Variants in MAGI2 observed in about 807,000 individuals in gnomAD.
MAGI2 encodes the protein membrane-associated guanylate kinase, WW and PDZ domain-containing protein 2.
In MAGI2, 35 loss-of-function variants were observed where a neutral mutation model predicts 133.3. That is an observed-to-expected ratio of 0.26 (90% CI 0.20 to 0.35). MAGI2 has a LOEUF of 0.35. MAGI2 is among the 10% of genes least tolerant of loss of function. MAGI2 has a pLI of 1.00. For missense variants in MAGI2, 1,636 were observed against 1,863.4 expected (o/e 0.88, Z 2.25); for synonymous variants, 729 against 710.6 (o/e 1.03, Z -0.41).
At chr7:78,708,696 C>T (rs1024616550) in intron 2 of MAGI2, among the ~76,000 whole-genome samples, 1 of 152,092 alleles carries the variant, frequency 6.6e-6, no homozygotes, top group Admixed American at 6.6e-5. Context: ...CTAACAATAA[C>T]TGCTACTTAT....
intron 21 of MAGI2, among the ~76,000 whole-genome samples, chr7:78,059,779 T>A (rs57867974): frequency 2.6e-4 from 33 of 126,928 alleles, no homozygotes; most frequent in Non-Finnish European, 4.1e-4. Flanking sequence ...ATATATATAT[T>A]TTTTTTCTGG....
intron 2 of MAGI2, among the ~76,000 whole-genome samples, chr7:78,816,065 T>C (rs1397444099): frequency 6.6e-6 from 1 of 152,186 alleles, no homozygotes; most frequent in African/African-American, 2.4e-5. Context: ...TTAAAAGTGC[T>C]ACTCGAGTGA....
intron 2 of MAGI2, among the ~76,000 whole-genome samples, chr7:78,809,631 T>C (rs1788870702): frequency 6.6e-6 from 1 of 151,978 alleles, no homozygotes; most frequent in Non-Finnish European, 1.5e-5. Flanking sequence ...CCAGTTGCCT[T>C]ACTGTTTTTT....
chr7:78,406,858 T>C (rs1022647841), intron 6 of MAGI2, among the ~76,000 whole-genome samples: 5 of 152,082 alleles, frequency 3.3e-5, no homozygotes. Flanking sequence ...CATATAATAC[T>C]ACATAGCTTC....
At chr7:78,759,939 A>C (rs1824318539) in intron 2 of MAGI2, among the ~76,000 whole-genome samples, 1 of 152,120 alleles carries the variant, frequency 6.6e-6, no homozygotes, top group Non-Finnish European at 1.5e-5. Context: ...CAGCCCGGCC[A>C]ATATGTCTCT....
Position 78,746,281 on chromosome 7 carries a change from T to A in MAGI2, c.419-119042A>T, listed in dbSNP as rs147688800. On this transcript the variant is annotated intron_variant, in intron 2 of 21. Transcript: ENST00000354212. ...ACTGAAATGATGAAGCTCAAAAGATTAGCATACAAACCAAAAGAGCAGTAA... is the reference window on the plus strand; with the variant it reads ...ACTGAAATGATGAAGCTCAAAAGATAAGCATACAAACCAAAAGAGCAGTAA... Among the ~76,000 whole-genome samples the A allele has an allele frequency of 7.8e-3, 1,184 of 152,308 alleles. 7 individuals carry two copies. Among genetic ancestry groups the A allele is most frequent in the African/African-American group, 0.027 (1,118 of 41,572 alleles).
intron 3 of MAGI2, among the ~76,000 whole-genome samples, chr7:78,596,726 G>T (rs1584783059): frequency 6.6e-6 from 1 of 152,240 alleles, no homozygotes. Flanking sequence ...TAGTGAGAAA[G>T]AATAAACTAG....
intron 3 of MAGI2, among the ~76,000 whole-genome samples, chr7:78,523,068 G>C (rs142001420): frequency 2.6e-5 from 4 of 152,306 alleles, no homozygotes; most frequent in African/African-American, 7.2e-5. Flanking sequence ...ACACCTCACT[G>C]TCTGCAAAGG....
intron 2 of MAGI2, among the ~76,000 whole-genome samples, chr7:78,885,628 A>AGTGTGTGTGTGTGTGTGTGTGT (rs61111430): frequency 1.5e-4 from 23 of 148,968 alleles, no homozygotes; most frequent in South Asian, 8.7e-4. Flanking sequence ...TGAAAGGAAT[A>AGTGTGTGTGTGTGTGTGTGTGT]GTGTGTGTGT....
chr7:78,078,993 T>A lies in MAGI2; in HGVS notation c.3660A>T (p.Arg1220=). 6.2e-7 allele frequency: 1 copy of A among 1,613,948 alleles called. No homozygotes were observed. The highest frequency in any genetic ancestry group is 1.7e-5 in the Admixed American group (1 of 59,946). The part of the protein sequence containing the change: ...AIELIKSGGR[R]VRLLLKRGTG... ...TGCCTCTCTTGAGCAGCAGCCTCAC[T>A]CGTCTTCCTCCAGATTTGATGAGTT... Residue 1220 remains arginine, a synonymous_variant, in exon 21 of 22, where the codon CGA becomes CGT. Coordinates refer to ENST00000354212, the MANE Select transcript of MAGI2 (RefSeq NM_012301.4).
chr7:78,019,132 C>A lies in MAGI2; in HGVS notation c.*183G>T. On this transcript the variant is annotated 3_prime_UTR_variant, in exon 22 of 22. Coordinates refer to ENST00000354212, the MANE Select transcript of MAGI2 (RefSeq NM_012301.4). Reference sequence around the variant, plus strand: ...CGGGGGCTTTAGGATCAGTTTAGGTCTGCGCGTTGATGCGATGCCGCCCAA... The same window carrying A: ...CGGGGGCTTTAGGATCAGTTTAGGTATGCGCGTTGATGCGATGCCGCCCAA... 1 of 656,522 alleles carries A rather than the reference C, an allele frequency of 1.5e-6. No homozygotes were observed. Among genetic ancestry groups the A allele is most frequent in the Non-Finnish European group, 2.5e-6 (1 of 398,696 alleles). 40.7% of individuals were successfully genotyped at this position (656,522 alleles called of 1,614,324 possible). A position where few individuals can be genotyped will look rare whatever the true frequency, so the allele number is the denominator to read the frequency against.
In MAGI2 at chr7:78,879,343, G is replaced by A. The variant is rs568117813; in HGVS notation, c.418+127747C>T. 2.0e-5 allele frequency among the ~76,000 whole-genome samples: 3 copies of A among 152,246 alleles called. No individual in the cohort carries two copies. The South Asian group carries it at 6.2e-4, about 32-fold the overall frequency. On this transcript the variant is annotated intron_variant, in intron 2 of 21. Coordinates refer to ENST00000354212, the MANE Select transcript of MAGI2 (RefSeq NM_012301.4). ...AACAGAGACTTCTCTCAATCAACAA[G>A]AATAAATTATATACCCATCTATGTT...
intron 10 of MAGI2, among the ~76,000 whole-genome samples, chr7:78,209,330 C>T (rs1333862900): frequency 1.4e-4 from 20 of 139,420 alleles, no homozygotes; most frequent in Middle Eastern, 3.6e-3. Flanking sequence ...GGCGCGATCT[C>T]GGCTCACTGC....
chr7:79,282,744 G>A (rs1325292096), intron 1 of MAGI2, among the ~76,000 whole-genome samples: 1 of 152,032 alleles, frequency 6.6e-6, no homozygotes, highest in Non-Finnish European at 1.5e-5. Context: ...ATAGATAAAA[G>A]TTTTATTTTA....
intron 2 of MAGI2, among the ~76,000 whole-genome samples, chr7:78,697,168 A>G (rs1445549653): frequency 2.0e-5 from 3 of 151,882 alleles, no homozygotes; most frequent in Admixed American, 6.6e-5. Context: ...CTCTTTTCAC[A>G]TGTTTTTTCT....
chr7:79,432,506 G>A (rs1396860849), intron 1 of MAGI2, among the ~76,000 whole-genome samples: 2 of 152,224 alleles, frequency 1.3e-5, no homozygotes, highest in African/African-American at 2.4e-5. Context: ...GGGAACCTGA[G>A]TGGAGCTGCT....
In MAGI2 at chr7:78,256,353, G is replaced by A. The variant is rs1339257756; in HGVS notation, c.1637C>T (p.Thr546Ile). The A allele has an allele frequency of 2.5e-6, 4 of 1,614,022 alleles. No homozygotes were observed. The highest frequency in any genetic ancestry group is 4.5e-5 in the East Asian group (2 of 44,814). ...GGTCCGAGAAATGTACTCCAAATAT[G>A]TTTCATAGTTGTGTCTTCCATTGAC... ...VMVNGRHNYE[T>I]YLEYISRTSQ... is the part of the protein sequence containing the mutation. Residue 546 changes from threonine to isoleucine, a missense_variant, in exon 10 of 22, where the codon ACA becomes ATA. By Grantham distance (89) the Thr-to-Ile change is moderately conservative. Coordinates refer to ENST00000354212, the MANE Select transcript of MAGI2 (RefSeq NM_012301.4).
intron 6 of MAGI2, 114 bp from the exon 7 acceptor site, chr7:78,369,327 C>A: frequency 1.5e-6 from 1 of 682,164 alleles, no homozygotes; most frequent in South Asian, 2.2e-5. Flanking sequence ...TGGAACAAAG[C>A]ATTCAGAGTC....
At chr7:78,042,284 CAA>C (rs1810936334) in intron 21 of MAGI2, among the ~76,000 whole-genome samples, 4 of 152,154 alleles carry the variant, frequency 2.6e-5, no homozygotes, top group Admixed American at 2.0e-4. Context: ...ATGAGTTACC[CAA>C]AGAGGAACGA....
Sources: allele counts gnomAD v4.1 joint callset (sites outside exome capture counted in the v4.1 genomes callset), GRCh38; gene constraint gnomAD v4.1.1; transcripts MANE v1.5; gene names NCBI Gene and HGNC (gene_info 2026-07-23, HGNC 2026-07-21).